COX7B2: variants seen among roughly 807,000 people sequenced by gnomAD.
COX7B2 encodes the protein cytochrome c oxidase subunit 7B2, also known as cytochrome c oxidase subunit 7B2, mitochondrial.
For synonymous variants in COX7B2, 37 were observed against 32.1 expected, an observed-to-expected ratio of 1.15 and a Z score of -0.51; for missense variants, 109 against 95.9, an observed-to-expected ratio of 1.14 and a Z score of -0.57.
intron 1 of COX7B2, among the ~76,000 whole-genome samples, chr4:46,881,008 A>AAAAAAAATAAAAAAT (rs1560435071): frequency 2.6e-5 from 4 of 151,518 alleles, no homozygotes; most frequent in African/African-American, 9.7e-5. Context: ...AAAAAAAAAA[A>AAAAAAAATAAAAAAT]AAACTCTTGG....
At chr4:46,903,384 T>C (rs576793389) in intron 1 of COX7B2, among the ~76,000 whole-genome samples, 1 of 152,258 alleles carries the variant, frequency 6.6e-6, no homozygotes, top group Admixed American at 6.5e-5. Context: ...TGTCCTATAA[T>C]ATTAAAATGG....
At chr4:46,891,542 T>C (rs73245882) in intron 1 of COX7B2, among the ~76,000 whole-genome samples, 10 of 152,284 alleles carry the variant, frequency 6.6e-5, no homozygotes, top group Non-Finnish European at 1.3e-4. Flanking sequence ...TGAATAATAC[T>C]TCTTAAAGTT....
At chr4:46,904,426 G>A (rs1219125962) in intron 1 of COX7B2, among the ~76,000 whole-genome samples, 1 of 151,964 alleles carries the variant, frequency 6.6e-6, no homozygotes, top group African/African-American at 2.4e-5. Flanking sequence ...AATTAAAATG[G>A]CCCTTAAAGA....
intron 2 of COX7B2, among the ~76,000 whole-genome samples, chr4:46,826,914 A>AG (rs1242375248): frequency 1.4e-4 from 21 of 152,106 alleles, no homozygotes; most frequent in African/African-American, 5.1e-4. Context: ...CAATAAAAAA[A>AG]GAATGAGATG....
Position 46,736,165 on chromosome 4 carries a change from C to T in COX7B2, c.-49-924G>A, listed in dbSNP as rs183563020. 1.4e-4 allele frequency among the ~76,000 whole-genome samples: 22 copies of T among 152,248 alleles called. No homozygotes were observed. The East Asian group carries it at 3.1e-3, about 21-fold the overall frequency. On this transcript the variant is annotated intron_variant, in intron 2 of 2. Coordinates refer to ENST00000355591, the MANE Select transcript of COX7B2 (RefSeq NM_130902.3). ...TCAGTGCCCTAAAAAGCCCTCTGTG[C>T]TCTGCTTATGTTACCGAAACACCAA...
chr4:46,834,916 G>A (rs1715403936), intron 2 of COX7B2, among the ~76,000 whole-genome samples: 1 of 152,082 alleles, frequency 6.6e-6, no homozygotes, highest in African/African-American at 2.4e-5. Context: ...GCTAGGCAAT[G>A]TGCAAGTCTC....
At position 46,880,736 on chromosome 4, in the gene COX7B2, C is replaced by T. The variant is rs1470058295; in HGVS notation, c.-105+28424G>A. ...TTTATTCCTTTAAAAAAAAAACTAT[C>T]GCAAGAACAAAAAACCAAACACCGC... On this transcript the variant is annotated intron_variant, in intron 1 of 2. Coordinates refer to ENST00000355591, the MANE Select transcript of COX7B2 (RefSeq NM_130902.3). Among the ~76,000 whole-genome samples, 9 of 149,250 alleles carry T rather than the reference C, an allele frequency of 6.0e-5. No homozygotes were observed. In the East Asian group the frequency reaches 1.6e-3, roughly 26 times the overall value.
At position 46,883,755 on chromosome 4, in the gene COX7B2, C is replaced by T. The variant is rs560789821; in HGVS notation, c.-105+25405G>A. 1.7e-3 allele frequency among the ~76,000 whole-genome samples: 249 copies of T among 149,798 alleles called. 3 individuals carry two copies. Among genetic ancestry groups the T allele is most frequent in the African/African-American group, 5.8e-3 (239 of 40,942 alleles). On this transcript the variant is annotated intron_variant, in intron 1 of 2. Transcript: ENST00000355591. Reference sequence around the variant, plus strand: ...AGCCTGGGCGACAGAGTGAGATCTTCTATTAATCAGAATAAACCTTTAAAA... The same window carrying T: ...AGCCTGGGCGACAGAGTGAGATCTTTTATTAATCAGAATAAACCTTTAAAA...
At chr4:46,765,749 C>A (rs1013044073) in intron 2 of COX7B2, among the ~76,000 whole-genome samples, 2 of 151,970 alleles carry the variant, frequency 1.3e-5, no homozygotes, top group African/African-American at 4.8e-5. Flanking sequence ...GCACTAAGCT[C>A]AAGGACCACA....
At chr4:46,744,896 A>G (rs150309614) in intron 2 of COX7B2, among the ~76,000 whole-genome samples, 1,670 of 151,804 alleles carry the variant, frequency 0.011, 19 homozygotes, top group Middle Eastern at 0.037. Flanking sequence ...CGCCCGGCTA[A>G]TTTTGTTGTG....
intron 1 of COX7B2, among the ~76,000 whole-genome samples, chr4:46,858,712 G>A (rs1454094389): frequency 6.6e-6 from 1 of 152,094 alleles, no homozygotes; most frequent in Non-Finnish European, 1.5e-5. Context: ...GTGTGTGTGT[G>A]TACAGATGTG....
chr4:46,775,693 A>C (rs1030748065), intron 2 of COX7B2, among the ~76,000 whole-genome samples: 4 of 152,130 alleles, frequency 2.6e-5, no homozygotes, highest in African/African-American at 9.7e-5. Flanking sequence ...TGATGTCTAC[A>C]AGAAGAGTAG....
chr4:46,763,338 T>C (rs781313564), intron 2 of COX7B2, among the ~76,000 whole-genome samples: 1 of 150,044 alleles, frequency 6.7e-6, no homozygotes, highest in Non-Finnish European at 1.5e-5. Context: ...TTGCTTCTTT[T>C]CTCATGTTTG....
intron 2 of COX7B2, among the ~76,000 whole-genome samples, chr4:46,798,827 A>C (rs537777084): frequency 2.8e-4 from 42 of 152,324 alleles, no homozygotes; most frequent in African/African-American, 1.0e-3. Context: ...TAAGTAAGTT[A>C]CATAAAGTAG....
chr4:46,801,929 A>G (rs1718680049), intron 2 of COX7B2, among the ~76,000 whole-genome samples: 1 of 152,168 alleles, frequency 6.6e-6, no homozygotes, highest in Admixed American at 6.5e-5. Flanking sequence ...CCTTATTTGT[A>G]TAGCTCTTCA....
At chr4:46,830,483 A>G (rs1463850618) in intron 2 of COX7B2, among the ~76,000 whole-genome samples, 1 of 152,194 alleles carries the variant, frequency 6.6e-6, no homozygotes, top group African/African-American at 2.4e-5. Context: ...TATTTGGCAT[A>G]TAATAATATA....
At position 46,813,024 on chromosome 4, in the gene COX7B2, C is replaced by A. The variant is rs190164997; in HGVS notation, c.-50+31936G>T. Among the ~76,000 whole-genome samples, 11 of 152,206 alleles carry A rather than the reference C, an allele frequency of 7.2e-5. No homozygotes were observed. The East Asian group carries it at 2.1e-3, about 29-fold the overall frequency. On this transcript the variant is annotated intron_variant, in intron 2 of 2. Transcript: ENST00000355591. ...CCTCAGCTGTGGCACCAGATCATGA[C>A]TGTCCCCACAGTTAAAAGGCTCCAG...
At chr4:46,883,379 G>C (rs1381410080) in intron 1 of COX7B2, among the ~76,000 whole-genome samples, 1 of 111,798 alleles carries the variant, frequency 8.9e-6, no homozygotes, top group African/African-American at 3.1e-5. Context: ...TTCCCTTTCT[G>C]TATTTTTTTT....
chr4:46,780,361 C>CA lies in COX7B2; in HGVS notation c.-49-45121dup, dbSNP rs542923953. On this transcript the variant is annotated intron_variant, in intron 2 of 2. Coordinates refer to ENST00000355591, the MANE Select transcript of COX7B2 (RefSeq NM_130902.3). ...TAAAAACCCGTCTCTACTAAAAATA[C>CA]AAAAAATTAGCAGGGCGTGATGATG... Among the ~76,000 whole-genome samples, 421 of 152,142 alleles carry CA rather than the reference C, an allele frequency of 2.8e-3. 4 individuals carry two copies. Among genetic ancestry groups the CA allele is most frequent in the Admixed American group, 5.5e-3 (84 of 15,266 alleles).
Sources: allele counts gnomAD v4.1 joint callset (sites outside exome capture counted in the v4.1 genomes callset), GRCh38; gene constraint gnomAD v4.1.1; transcripts MANE v1.5; gene names NCBI Gene and HGNC (gene_info 2026-07-23, HGNC 2026-07-21).